The following ADGRB3 variants were observed in gnomAD, a reference collection of about 807,000 sequenced individuals.
ADGRB3 encodes the protein adhesion G protein-coupled receptor B3.
ADGRB3 carries 37 observed loss-of-function variants against 193.4 expected under a neutral mutation model. The observed-to-expected ratio is 0.19, with a 90% CI of 0.15 to 0.25. ADGRB3 has a LOEUF of 0.25. ADGRB3 is among the 10% of genes least tolerant of loss of function. The probability of loss-of-function intolerance (pLI) is 1.00; values close to 1 mark genes in which losing one functional copy is unlikely to be tolerated. For synonymous variants in ADGRB3, 690 were observed against 644.2 expected (o/e 1.07, Z -1.08); for missense variants, 1,637 against 1,852.9 (o/e 0.88, Z 2.14).
intron 23 of ADGRB3, 127 bp from the exon 24 acceptor site, chr6:69,332,796 G>A: frequency 1.4e-6 from 2 of 1,442,272 alleles, no homozygotes; most frequent in Non-Finnish European, 9.1e-7. Flanking sequence ...TAAAATGTTT[G>A]AGAGTGCTTC....
intron 17 of ADGRB3, among the ~76,000 whole-genome samples, chr6:69,084,684 GC>G: frequency 6.6e-6 from 1 of 152,070 alleles, no homozygotes; most frequent in South Asian, 2.1e-4. Flanking sequence ...TTGAAAATTT[GC>G]ATCAAATTTT....
At position 69,285,215 on chromosome 6, in the gene ADGRB3, A is replaced by G. The variant is rs537984853; in HGVS notation, c.2815-39657A>G. 7.2e-5 allele frequency among the ~76,000 whole-genome samples: 11 copies of G among 152,334 alleles called. No individual in the cohort carries two copies. The East Asian group carries it at 2.1e-3, about 29-fold the overall frequency. On this transcript the variant is annotated intron_variant, in intron 20 of 31. Transcript: ENST00000370598. ...AAAAGGAAATAGATACTATACACTGAGTACTTAAGAAAGAGAACAGAAACT... is the reference window on the plus strand; with the variant it reads ...AAAAGGAAATAGATACTATACACTGGGTACTTAAGAAAGAGAACAGAAACT...
chr6:68,999,698 A>G (rs77022795), intron 11 of ADGRB3, among the ~76,000 whole-genome samples: 11,876 of 152,190 alleles, frequency 0.078, 582 homozygotes, highest in Non-Finnish European at 0.12. Context: ...GGCTTTTGAA[A>G]TCTTGTAAAC....
At chr6:69,048,135 A>C in intron 13 of ADGRB3, 50 bp from the exon 14 acceptor site, 2 of 1,562,602 alleles carry the variant, frequency 1.3e-6, no homozygotes, top group Non-Finnish European at 1.8e-6. Flanking sequence ...CACTGATTAC[A>C]CTAAAATGTA....
intron 13 of ADGRB3, among the ~76,000 whole-genome samples, chr6:69,026,294 C>T (rs765126704): frequency 6.6e-6 from 1 of 152,096 alleles, no homozygotes; most frequent in Non-Finnish European, 1.5e-5. Context: ...CCAGGGAGGG[C>T]CTTTCATCTG....
At chr6:69,239,874 A>G (rs964001925) in intron 20 of ADGRB3, among the ~76,000 whole-genome samples, 3 of 152,052 alleles carry the variant, frequency 2.0e-5, no homozygotes, top group South Asian at 2.1e-4. Context: ...CTATTCTGAA[A>G]TGTATTTTAA....
intron 20 of ADGRB3, among the ~76,000 whole-genome samples, chr6:69,247,555 T>A (rs1475803193): frequency 6.6e-6 from 1 of 152,196 alleles, no homozygotes; most frequent in Non-Finnish European, 1.5e-5. Flanking sequence ...AGAGTGGACT[T>A]ATGAAACCAT....
intron 17 of ADGRB3, among the ~76,000 whole-genome samples, chr6:69,152,419 T>A (rs893190810): frequency 1.3e-5 from 2 of 152,236 alleles, no homozygotes; most frequent in African/African-American, 4.8e-5. Flanking sequence ...AATGTTCTCC[T>A]ATTATGTAAA....
chr6:68,745,630 TTATA>T (rs1273425503), intron 3 of ADGRB3, among the ~76,000 whole-genome samples: 1 of 151,920 alleles, frequency 6.6e-6, no homozygotes, highest in Admixed American at 6.6e-5. Context: ...TCTTCATGAA[TTATA>T]TATATATGTC....
At chr6:68,735,150 C>T in intron 3 of ADGRB3, among the ~76,000 whole-genome samples, 1 of 151,640 alleles carries the variant, frequency 6.6e-6, no homozygotes, top group East Asian at 1.9e-4. Context: ...GAAACCAAAG[C>T]TTTTAAATTA....
intron 3 of ADGRB3, among the ~76,000 whole-genome samples, chr6:68,730,769 T>C (rs1394455033): frequency 6.6e-6 from 1 of 151,606 alleles, no homozygotes; most frequent in African/African-American, 2.4e-5. Flanking sequence ...AAACTAATGG[T>C]TTAAATGAGA....
At chr6:68,677,528 T>TC (rs1379000296) in intron 3 of ADGRB3, among the ~76,000 whole-genome samples, 4 of 146,646 alleles carry the variant, frequency 2.7e-5, no homozygotes, top group Admixed American at 1.4e-4. Flanking sequence ...TTTCTTTTTT[T>TC]TTTTTTTTTT....
intron 17 of ADGRB3, among the ~76,000 whole-genome samples, chr6:69,208,604 C>T (rs959839487): frequency 9.2e-5 from 14 of 152,192 alleles, no homozygotes; most frequent in African/African-American, 2.9e-4. Context: ...GCCTGCATAT[C>T]GTGCAGAACC....
intron 11 of ADGRB3, among the ~76,000 whole-genome samples, chr6:68,998,391 C>T (rs139880122): frequency 6.6e-6 from 1 of 152,254 alleles, no homozygotes; most frequent in Non-Finnish European, 1.5e-5. Context: ...TCCTGATTAT[C>T]CTGTGAAGAT....
chr6:69,372,529 C>T (rs1582663830), intron 30 of ADGRB3, 88 bp downstream of exon 30: 1 of 584,576 alleles, frequency 1.7e-6, no homozygotes, highest in Non-Finnish European at 2.7e-6. Flanking sequence ...TCTATGCAGC[C>T]ATGTAAGGGT....
At chr6:69,087,348 T>C (rs1772580036) in intron 17 of ADGRB3, among the ~76,000 whole-genome samples, 1 of 152,178 alleles carries the variant, frequency 6.6e-6, no homozygotes, top group African/African-American at 2.4e-5. Context: ...TTTGACATAC[T>C]GAACTGATGT....
At chr6:69,333,453 G>A (rs889603949) in intron 24 of ADGRB3, among the ~76,000 whole-genome samples, 3 of 151,792 alleles carry the variant, frequency 2.0e-5, no homozygotes, top group Admixed American at 1.3e-4. Flanking sequence ...TATATATCAG[G>A]AAAAAAATCT....
intron 17 of ADGRB3, among the ~76,000 whole-genome samples, chr6:69,135,247 G>A (rs1774118674): frequency 6.6e-6 from 1 of 151,322 alleles, no homozygotes. Flanking sequence ...TCTAGAAGCA[G>A]CCTAACAGAT....
intron 17 of ADGRB3, among the ~76,000 whole-genome samples, chr6:69,101,375 T>C (rs1044492949): frequency 6.6e-6 from 1 of 152,054 alleles, no homozygotes; most frequent in Non-Finnish European, 1.5e-5. Flanking sequence ...TAGACATTTA[T>C]TTTGAGAAAT....
Sources: allele counts gnomAD v4.1 joint callset (sites outside exome capture counted in the v4.1 genomes callset), GRCh38; gene constraint gnomAD v4.1.1; transcripts MANE v1.5; gene names NCBI Gene and HGNC (gene_info 2026-07-23, HGNC 2026-07-21).